The following GPR63 variants were observed in gnomAD, a reference collection of about 807,000 sequenced individuals.
The protein encoded by GPR63 is probable G protein-coupled receptor 63.
A neutral mutation model predicts 23.1 loss-of-function variants in GPR63; 12 were observed. That is an observed-to-expected ratio of 0.52 (90% confidence interval 0.33 to 0.84). The LOEUF (loss-of-function observed/expected upper bound fraction) is 0.84, where lower values mean the gene tolerates loss of function less well. GPR63 is among the 40% of genes least tolerant of loss of function. The pLI is 0.02. For synonymous variants in GPR63, 172 were observed against 191.1 expected, an observed-to-expected ratio of 0.90 and a Z score of 0.82; for missense variants, 472 against 515.6, an observed-to-expected ratio of 0.92 and a Z score of 0.82.
At position 96,799,067 on chromosome 6, in the gene GPR63, A is replaced by G. The variant is rs777278513; in HGVS notation, c.665T>C (p.Ile222Thr). 1 of 1,614,182 alleles carries G rather than the reference A, an allele frequency of 6.2e-7. No homozygotes were observed. The highest frequency in any genetic ancestry group is 8.5e-7 in the Non-Finnish European group (1 of 1,180,008). ...PLAVGNPDLQIPSRAPQCVFG... is the reference protein window; with the variant it reads ...PLAVGNPDLQTPSRAPQCVFG... ...CACACACTGGGGAGCTCGGGAAGGT[A>G]TCTGCAGGTCGGGGTTTCCTACGGC... Residue 222 changes from isoleucine (I) to threonine (T), a missense_variant, in exon 2 of 2, where the codon ATA becomes ACA. Transcript: ENST00000229955.
intron 1 of GPR63, among the ~76,000 whole-genome samples, chr6:96,804,738 C>T (rs1352331095): frequency 1.3e-5 from 2 of 151,918 alleles, no homozygotes; most frequent in East Asian, 3.9e-4. Flanking sequence ...AATATATTAA[C>T]TCCTGATTTC....
chr6:96,807,351 T>C (rs1773922304), intron 1 of GPR63, among the ~76,000 whole-genome samples: 1 of 152,244 alleles, frequency 6.6e-6, no homozygotes, highest in South Asian at 2.1e-4. Flanking sequence ...GGATACTCAC[T>C]GTGGCAACAC....
At chr6:96,807,849 A>C (rs1315713952) in intron 1 of GPR63, among the ~76,000 whole-genome samples, 1 of 152,198 alleles carries the variant, frequency 6.6e-6, no homozygotes, top group East Asian at 1.9e-4. Context: ...AGCTTTAAAA[A>C]TTCCACGGCA....
chr6:96,831,030 T>A (rs1774566663), intron 1 of GPR63, among the ~76,000 whole-genome samples: 3 of 152,216 alleles, frequency 2.0e-5, no homozygotes, highest in Admixed American at 2.0e-4. Flanking sequence ...AAGGCTAAAT[T>A]TTGTAAATTT....
At chr6:96,828,472 A>G (rs977989226) in intron 1 of GPR63, among the ~76,000 whole-genome samples, 5 of 151,956 alleles carry the variant, frequency 3.3e-5, no homozygotes, top group Non-Finnish European at 5.9e-5. Context: ...TTTAGACTAG[A>G]AAGAGTATAT....
rs1463144925 is a variant in GPR63 at position 96,796,941 on chromosome 6, G to A, written c.*1531C>T. 1.3e-5 allele frequency: 2 copies of A among 152,164 alleles called. No homozygotes were observed. Among genetic ancestry groups the A allele is most frequent in the African/African-American group, 4.8e-5 (2 of 41,422 alleles). The allele number at this position is 152,164 out of a possible 1,614,324, so 9.4% of individuals were successfully genotyped here. On this transcript the variant is annotated 3_prime_UTR_variant, in exon 2 of 2. Transcript: ENST00000229955. Reference sequence around the variant, plus strand: ...AAGTGGTTGTAGGTCAGATGTGGTGGCTCATGCCTGTAATCCCAACATTTT... The same window carrying A: ...AAGTGGTTGTAGGTCAGATGTGGTGACTCATGCCTGTAATCCCAACATTTT...
Position 96,799,921 on chromosome 6 carries a change from G to T in GPR63, c.-150-40C>A, listed in dbSNP as rs1773718803. ...AAAACACAAAAAGTAAATGAGAAAT[G>T]AGATTTGCAAATAACATTTAACTCC... On this transcript the variant is annotated intron_variant, in intron 1 of 1. Transcript: ENST00000229955. The T allele has an allele frequency of 2.4e-5, 15 of 624,082 alleles. No individual in the cohort carries two copies. In the South Asian group the frequency reaches 3.1e-4, roughly 13 times the overall value. 38.7% of individuals were successfully genotyped at this position (624,082 alleles called of 1,614,324 possible).
chr6:96,831,195 AG>A (rs1258656274), intron 1 of GPR63, among the ~76,000 whole-genome samples: 2 of 152,208 alleles, frequency 1.3e-5, no homozygotes, highest in Non-Finnish European at 1.5e-5. Context: ...TGTGGGCAAG[AG>A]GGCAGATGGC....
chr6:96,798,609 T>C lies in GPR63; in HGVS notation c.1123A>G (p.Ile375Val), dbSNP rs146864588. Residue 375 changes from isoleucine to valine, a missense_variant, in exon 2 of 2, where the codon ATT becomes GTT. Coordinates refer to ENST00000229955, the MANE Select transcript of GPR63 (RefSeq NM_030784.4). ...AGGCAAGCATCATGGAATTTCTTAA[T>C]CCTCCAGTAGTAGATCAGCGGATTC... ...ALNPLIYYWR[I>V]KKFHDACLDM... The C allele has an allele frequency of 1.7e-3, 2,760 of 1,614,168 alleles. 6 individuals carry two copies. Among genetic ancestry groups the C allele is most frequent in the Non-Finnish European group, 2.0e-3 (2,360 of 1,180,028 alleles).
intron 1 of GPR63, among the ~76,000 whole-genome samples, chr6:96,835,559 C>T (rs1774703657): frequency 6.6e-6 from 1 of 152,186 alleles, no homozygotes; most frequent in Non-Finnish European, 1.5e-5. Context: ...TAAATTCTTA[C>T]TTTCTTGCTT....
intron 1 of GPR63, among the ~76,000 whole-genome samples, chr6:96,832,180 T>A (rs1020234587): frequency 6.6e-6 from 1 of 152,098 alleles, no homozygotes; most frequent in Non-Finnish European, 1.5e-5. Context: ...TAAAAATAGA[T>A]ACCAAAATGC....
intron 1 of GPR63, among the ~76,000 whole-genome samples, chr6:96,804,971 A>AT (rs771997525): frequency 1.4e-4 from 21 of 152,082 alleles, no homozygotes; most frequent in African/African-American, 4.3e-4. Context: ...TTTATTCTCC[A>AT]TTTTTTTGTT....
Position 96,798,348 on chromosome 6 carries a change from A to T in GPR63, c.*124T>A. ...GAACTATAATTACCATTCTTTCTTT[A>T]CACTGCTCACACACATACATACACA... On this transcript the variant is annotated 3_prime_UTR_variant, in exon 2 of 2. Transcript: ENST00000229955. The T allele has an allele frequency of 1.1e-6, 1 of 896,724 alleles. No homozygotes were observed. Among genetic ancestry groups the T allele is most frequent in the Non-Finnish European group, 1.7e-6 (1 of 594,850 alleles). The allele number at this position is 896,724 out of a possible 1,614,324, so 55.5% of individuals were successfully genotyped here.
At chr6:96,804,468 T>C (rs2127945847) in intron 1 of GPR63, among the ~76,000 whole-genome samples, 1 of 152,340 alleles carries the variant, frequency 6.6e-6, no homozygotes, top group South Asian at 2.1e-4. Flanking sequence ...TTCTGATAAA[T>C]ATTTAGATAA....
intron 1 of GPR63, among the ~76,000 whole-genome samples, chr6:96,832,905 A>G (rs1187374384): frequency 6.6e-6 from 1 of 152,200 alleles, no homozygotes; most frequent in East Asian, 1.9e-4. Flanking sequence ...AAATTTATCC[A>G]ATTTATAGAA....
At chr6:96,810,919 C>T (rs1219858785) in intron 1 of GPR63, among the ~76,000 whole-genome samples, 1 of 152,124 alleles carries the variant, frequency 6.6e-6, no homozygotes, top group Non-Finnish European at 1.5e-5. Context: ...TATAAAATTC[C>T]TTGAGGATGC....
chr6:96,820,884 A>T (rs1406889543), intron 1 of GPR63, among the ~76,000 whole-genome samples: 1 of 152,190 alleles, frequency 6.6e-6, no homozygotes, highest in Non-Finnish European at 1.5e-5. Context: ...TTATACCATC[A>T]TATCAGTGGT....
In GPR63 at chr6:96,794,389, T is replaced by C. The variant is rs1264302964; in HGVS notation, c.*4083A>G. Reference sequence around the variant, plus strand: ...GATATTTTTTATCATAAAAACTGAGTTTTCAATGAAGGCAGTTTAGCAGGA... The same window carrying C: ...GATATTTTTTATCATAAAAACTGAGCTTTCAATGAAGGCAGTTTAGCAGGA... On this transcript the variant is annotated 3_prime_UTR_variant, in exon 2 of 2. Transcript: ENST00000229955. The C allele has an allele frequency of 6.6e-6, 1 of 151,866 alleles. No individual in the cohort carries two copies. Among genetic ancestry groups the C allele is most frequent in the Non-Finnish European group, 1.5e-5 (1 of 67,954 alleles). 9.4% of individuals were successfully genotyped at this position (151,866 alleles called of 1,614,324 possible).
chr6:96,808,919 T>TCC (rs1298212723), intron 1 of GPR63, among the ~76,000 whole-genome samples: 2 of 150,560 alleles, frequency 1.3e-5, no homozygotes, highest in Non-Finnish European at 3.0e-5. Context: ...AAGCTATCCC[T>TCC]CCCCCGTCCC....
Sources: gnomAD v4.1 joint callset for allele counts (sites outside exome capture counted in the v4.1 genomes callset) on GRCh38, gnomAD v4.1.1 for gene constraint, MANE v1.5 for transcripts, NCBI Gene and HGNC (gene_info 2026-07-23, HGNC 2026-07-21) for gene names.